DYNC1I2: variants seen among roughly 807,000 people sequenced by gnomAD.
The protein encoded by DYNC1I2 is dynein cytoplasmic 1 intermediate chain 2.
Under a neutral mutation model 88.6 loss-of-function variants are expected in DYNC1I2, and 53 were observed. The observed-to-expected ratio is 0.60, with a 90% CI of 0.48 to 0.75. The LOEUF (loss-of-function observed/expected upper bound fraction) is 0.75. Ranked by LOEUF, DYNC1I2 falls within the 30% of genes least tolerant of loss-of-function variation. The pLI is 0.00. For synonymous variants in DYNC1I2, 198 were observed against 254.6 expected (o/e 0.78, Z 2.12); for missense variants, 458 against 766.6 (o/e 0.60, Z 4.75).
At chr2:171,718,718 C>G (rs1368834893) in intron 7 of DYNC1I2, among the ~76,000 whole-genome samples, 1 of 152,154 alleles carries the variant, frequency 6.6e-6, no homozygotes, top group Non-Finnish European at 1.5e-5. Context: ...CAGGTGTGAG[C>G]CACTGCCCCG....
chr2:171,714,040 C>T (rs928940959), intron 6 of DYNC1I2, among the ~76,000 whole-genome samples: 3 of 152,032 alleles, frequency 2.0e-5, no homozygotes, highest in Non-Finnish European at 4.4e-5. Context: ...GTTGGCTTGA[C>T]GATTTTTTTC....
At chr2:171,735,642 ACT>A (rs1390713294) in intron 15 of DYNC1I2, among the ~76,000 whole-genome samples, 5 of 152,138 alleles carry the variant, frequency 3.3e-5, no homozygotes, top group African/African-American at 9.7e-5. Context: ...TATTTAAAAG[ACT>A]CTGTTGCCAT....
chr2:171,706,545 A>C lies in DYNC1I2; in HGVS notation c.227-2A>C, dbSNP rs1273036107. The C allele has an allele frequency of 6.2e-7, 1 of 1,611,936 alleles. No individual in the cohort carries two copies. The highest frequency in any genetic ancestry group is 8.5e-7 in the Non-Finnish European group (1 of 1,178,586). On this transcript the variant is annotated splice_acceptor_variant, in intron 3 of 17. Coordinates refer to ENST00000397119, the MANE Select transcript of DYNC1I2 (RefSeq NM_001378.3). LOFTEE classifies it high-confidence loss of function. ...GTCTGTATCTTTGTCTGTACACTTC[A>C]GTTTTTTCTGAATACTGGGGTAAGG...
Position 171,743,578 on chromosome 2 carries a change from A to G in DYNC1I2, c.1537-471A>G, listed in dbSNP as rs145311775. The stretch of plus-strand genomic sequence containing the variant: ...TTCTTCCCACACAGATACTGATACC[A>G]TGCAAGTCTTGTAGTTGTGAGAGGT... On this transcript the variant is annotated intron_variant, in intron 15 of 17. Transcript: ENST00000397119. Among the ~76,000 whole-genome samples the G allele has an allele frequency of 1.4e-3, 216 of 152,296 alleles. 1 individual carries two copies. The highest frequency in any genetic ancestry group is 5.1e-3 in the African/African-American group (210 of 41,556).
At chr2:171,726,124 ATTAC>A in intron 9 of DYNC1I2, 43 bp downstream of exon 9, 1 of 1,560,384 alleles carries the variant, frequency 6.4e-7, no homozygotes, top group Non-Finnish European at 8.7e-7. Flanking sequence ...ATAATGTTAA[ATTAC>A]TTTAAGATTA....
intron 15 of DYNC1I2, among the ~76,000 whole-genome samples, chr2:171,735,379 G>C (rs1203025590): frequency 6.6e-6 from 1 of 152,092 alleles, no homozygotes; most frequent in Non-Finnish European, 1.5e-5. Flanking sequence ...AGTCTGAAAT[G>C]CTCCAGAATT....
chr2:171,736,865 T>A (rs1689044702), intron 15 of DYNC1I2, among the ~76,000 whole-genome samples: 1 of 152,196 alleles, frequency 6.6e-6, no homozygotes, highest in Admixed American at 6.5e-5. Context: ...CTAGGAAGCA[T>A]CTCACTATTA....
chr2:171,744,352 C>T (rs1408702233), intron 16 of DYNC1I2, among the ~76,000 whole-genome samples, 163 bp downstream of exon 16: 1 of 152,180 alleles, frequency 6.6e-6, no homozygotes, highest in Non-Finnish European at 1.5e-5. Context: ...TAATAAACAG[C>T]ATGCTGCGAA....
intron 3 of DYNC1I2, among the ~76,000 whole-genome samples, chr2:171,695,987 A>T (rs369336297): frequency 2.6e-5 from 4 of 152,194 alleles, no homozygotes; most frequent in Admixed American, 6.5e-5. Flanking sequence ...TCTTTTAACC[A>T]TTCAAGTTTT....
chr2:171,701,064 G>A (rs1039867185), intron 3 of DYNC1I2, among the ~76,000 whole-genome samples: 8 of 152,138 alleles, frequency 5.3e-5, no homozygotes, highest in Non-Finnish European at 7.4e-5. Flanking sequence ...TTATCTTAAT[G>A]GATTTGAACT....
At chr2:171,713,059 G>A (rs1687236727) in intron 6 of DYNC1I2, among the ~76,000 whole-genome samples, 1 of 152,026 alleles carries the variant, frequency 6.6e-6, no homozygotes, top group African/African-American at 2.4e-5. Context: ...TTATTTCTAT[G>A]TTTTTAATAC....
intron 15 of DYNC1I2, among the ~76,000 whole-genome samples, chr2:171,736,263 G>C (rs1419467878): frequency 1.3e-5 from 2 of 152,192 alleles, no homozygotes; most frequent in East Asian, 3.8e-4. Flanking sequence ...CCAATGTCCA[G>C]CCTCTCCTTT....
At chr2:171,712,642 T>A in intron 5 of DYNC1I2, 125 bp from the exon 6 acceptor site, 1 of 673,748 alleles carries the variant, frequency 1.5e-6, no homozygotes, top group Non-Finnish European at 2.5e-6. Flanking sequence ...TTTTTAATAC[T>A]AACCAGAACA....
chr2:171,687,826 C>T, intron 1 of DYNC1I2, 199 bp downstream of exon 1: 1 of 152,912 alleles, frequency 6.5e-6, no homozygotes. Context: ...GGGACGTTAC[C>T]GGGAAGTTGC....
At chr2:171,710,040 A>G (rs1451000400) in intron 5 of DYNC1I2, among the ~76,000 whole-genome samples, 13 of 151,516 alleles carry the variant, frequency 8.6e-5, no homozygotes, top group Non-Finnish European at 1.6e-4. Context: ...CTTAATATGT[A>G]CGTTGTCTCC....
intron 7 of DYNC1I2, 30 bp downstream of exon 7, chr2:171,715,473 T>A: frequency 7.3e-7 from 1 of 1,371,042 alleles, no homozygotes; most frequent in Non-Finnish European, 1.0e-6. Flanking sequence ...ATAATTGTCA[T>A]TGAGCACCTA....
intron 4 of DYNC1I2, 64 bp downstream of exon 4, chr2:171,706,628 T>C: frequency 7.0e-7 from 1 of 1,433,280 alleles, no homozygotes; most frequent in Non-Finnish European, 9.8e-7. Flanking sequence ...TTATGCATAA[T>C]GTCTAGAAGG....
chr2:171,699,466 A>G (rs1406734421), intron 3 of DYNC1I2, among the ~76,000 whole-genome samples: 2 of 152,230 alleles, frequency 1.3e-5, no homozygotes, highest in East Asian at 1.9e-4. Flanking sequence ...TGCTTTTGCT[A>G]TTTTGTAGAA....
chr2:171,690,589 A>G (rs1424854328), intron 2 of DYNC1I2, among the ~76,000 whole-genome samples: 1 of 151,856 alleles, frequency 6.6e-6, no homozygotes, highest in South Asian at 2.1e-4. Flanking sequence ...TTCAATTTAC[A>G]ATTTAGTCTC....
Sources: allele counts gnomAD v4.1 joint callset (sites outside exome capture counted in the v4.1 genomes callset), GRCh38; gene constraint gnomAD v4.1.1; transcripts MANE v1.5; gene names NCBI Gene and HGNC (gene_info 2026-07-23, HGNC 2026-07-21).